Variants in TRPC4AP observed in about 807,000 individuals in gnomAD.
The protein encoded by TRPC4AP is short transient receptor potential channel 4-associated protein.
Under a neutral mutation model 99.0 loss-of-function variants are expected in TRPC4AP, and 45 were observed. The observed-to-expected ratio is 0.45, with a 90% confidence interval of 0.36 to 0.58. The LOEUF (loss-of-function observed/expected upper bound fraction) is 0.58, where lower values mean the gene tolerates loss of function less well. Ranked by LOEUF, TRPC4AP falls within the 20% of genes least tolerant of loss-of-function variation. TRPC4AP has a pLI of 0.00. For synonymous variants in TRPC4AP, 408 were observed against 385.8 expected, an observed-to-expected ratio of 1.06 and a Z score of -0.67; for missense variants, 879 against 985.3, an observed-to-expected ratio of 0.89 and a Z score of 1.44.
chr20:35,020,470 C>T (rs1025516962), intron 9 of TRPC4AP, among the ~76,000 whole-genome samples: 4 of 152,162 alleles, frequency 2.6e-5, no homozygotes, highest in Non-Finnish European at 5.9e-5. Flanking sequence ...ACCTGGTACA[C>T]TCTTTCATTC....
intron 2 of TRPC4AP, among the ~76,000 whole-genome samples, chr20:35,071,645 GT>G (rs1238050328): frequency 2.0e-5 from 3 of 152,130 alleles, no homozygotes; most frequent in Non-Finnish European, 4.4e-5. Flanking sequence ...GTACTCCATG[GT>G]GTATATGTGC....
At chr20:35,084,211 A>C (rs1338895838) in intron 1 of TRPC4AP, among the ~76,000 whole-genome samples, 3 of 151,576 alleles carry the variant, frequency 2.0e-5, no homozygotes, top group African/African-American at 7.3e-5. Flanking sequence ...CATAGGTTGC[A>C]GGGAGCCGAG....
chr20:35,027,447 T>TG (rs1176610908), intron 8 of TRPC4AP, among the ~76,000 whole-genome samples: 1 of 152,236 alleles, frequency 6.6e-6, no homozygotes. Flanking sequence ...TAGTATTTTG[T>TG]TGAAGATTTT....
chr20:35,086,174 G>A (rs1172784183), intron 1 of TRPC4AP, among the ~76,000 whole-genome samples: 1 of 151,850 alleles, frequency 6.6e-6, no homozygotes, highest in East Asian at 1.9e-4. Context: ...GCCCAGGTTG[G>A]TCTTGAACTC....
intron 8 of TRPC4AP, among the ~76,000 whole-genome samples, chr20:35,022,403 G>A (rs886103374): frequency 2.6e-5 from 4 of 152,186 alleles, no homozygotes; most frequent in Non-Finnish European, 4.4e-5. Context: ...TGATCTGCCC[G>A]CCTCAGCCTC....
intron 14 of TRPC4AP, 21 bp from the exon 15 acceptor site, chr20:35,006,596 T>G: frequency 6.2e-7 from 1 of 1,609,630 alleles, no homozygotes; most frequent in Non-Finnish European, 8.5e-7. Flanking sequence ...AGGGACAGGG[T>G]GAAGGTGTCA....
chr20:35,036,321 A>C (rs1255398690), intron 7 of TRPC4AP, among the ~76,000 whole-genome samples: 5 of 152,360 alleles, frequency 3.3e-5, no homozygotes, highest in Non-Finnish European at 7.3e-5. Context: ...CATAAGATGG[A>C]AACAGCCAAA....
intron 1 of TRPC4AP, among the ~76,000 whole-genome samples, chr20:35,081,991 A>C (rs2084659525): frequency 6.6e-6 from 1 of 152,134 alleles, no homozygotes. Flanking sequence ...TCTCAAAAAC[A>C]AAACAAAACA....
At chr20:35,047,040 T>C (rs184203161) in intron 6 of TRPC4AP, among the ~76,000 whole-genome samples, 2 of 152,222 alleles carry the variant, frequency 1.3e-5, no homozygotes, top group African/African-American at 2.4e-5. Flanking sequence ...GGCTAATTTT[T>C]ATATTTTTAG....
At chr20:35,019,976 T>C (rs955317557) in intron 9 of TRPC4AP, among the ~76,000 whole-genome samples, 28 of 152,176 alleles carry the variant, frequency 1.8e-4, no homozygotes, top group Non-Finnish European at 3.2e-4. Flanking sequence ...AGCCTGCTCC[T>C]CCACCCCTTA....
intron 8 of TRPC4AP, among the ~76,000 whole-genome samples, chr20:35,021,621 C>G (rs2082892932): frequency 6.6e-6 from 1 of 152,194 alleles, no homozygotes; most frequent in African/African-American, 2.4e-5. Context: ...AATACAGTAA[C>G]ATGACCCATC....
intron 1 of TRPC4AP, among the ~76,000 whole-genome samples, chr20:35,080,534 T>TTA (rs2084609266): frequency 1.2e-5 from 1 of 82,068 alleles, no homozygotes; most frequent in Admixed American, 1.4e-4. Context: ...AGACTCCATC[T>TTA]AAAAAAAAAA....
At chr20:35,086,477 ATG>A (rs1434250174) in intron 1 of TRPC4AP, among the ~76,000 whole-genome samples, 47 of 64,334 alleles carry the variant, frequency 7.3e-4, no homozygotes, top group African/African-American at 3.0e-3. Flanking sequence ...GTGTGTGTGT[ATG>A]TGTGTGTATA....
rs1452299120 is a variant in TRPC4AP, at chr20:35,016,077, C to G, written c.1281G>C (p.Leu427=). The change falls in exon 10 of 19, where the codon CTG becomes CTC. Residue 427 remains leucine, a synonymous_variant. Coordinates refer to ENST00000252015, the MANE Select transcript of TRPC4AP (RefSeq NM_015638.3). ...CAGATGCTGAATGCTTCCTCCAAAT[C>G]AGTTTGTCAAACAAATTATTAAGTC... ...IPGLNNLFDK[L]IWRKHSASAL... is the part of the protein sequence containing the mutation. 1.9e-6 allele frequency: 3 copies of G among 1,614,168 alleles called. No individual in the cohort carries two copies. In the East Asian group the frequency reaches 6.7e-5, roughly 36 times the overall value.
rs953868172 is a variant in TRPC4AP at position 35,055,120 on chromosome 20, AT to A, written c.473-90del. 1.9e-5 allele frequency: 22 copies of A among 1,129,184 alleles called. 1 individual carries two copies. In the African/African-American group the frequency reaches 2.2e-4, roughly 11 times the overall value. The allele number at this position is 1,129,184 out of a possible 1,614,324, so 69.9% of individuals were successfully genotyped here. Reference sequence around the variant, plus strand: ...CATTTTTTTCAGCATAAGAACTGTTATAATCCCCTCCAAGATGATTATTTTT... The same window carrying A: ...CATTTTTTTCAGCATAAGAACTGTTAAATCCCCTCCAAGATGATTATTTTT... On this transcript the variant is annotated intron_variant, in intron 4 of 18. Transcript: ENST00000252015.
rs776032740 is a variant in TRPC4AP at position 35,005,771 on chromosome 20, G to A, written c.1860C>T (p.Ser620=). ...GCACCAGCATGTTGGAGTCCACCAG[G>A]GAGCTGTTGATCTGCTTCAGGAATA... is the stretch of plus-strand genomic sequence containing the variant. ...FQVFLKQINS[S]LVDSNMLVRC... Residue 620 remains serine (S), a synonymous_variant, in exon 16 of 19, where the codon TCC becomes TCT. Transcript: ENST00000252015. The A allele has an allele frequency of 1.9e-6, 3 of 1,614,164 alleles. No individual in the cohort carries two copies. Among genetic ancestry groups the A allele is most frequent in the Non-Finnish European group, 2.5e-6 (3 of 1,179,996 alleles).
At chr20:35,040,469 T>C (rs2083422142) in intron 7 of TRPC4AP, among the ~76,000 whole-genome samples, 1 of 152,212 alleles carries the variant, frequency 6.6e-6, no homozygotes, top group Admixed American at 6.5e-5. Context: ...CTCTGAGACT[T>C]GCACCAGCAG....
intron 7 of TRPC4AP, among the ~76,000 whole-genome samples, chr20:35,040,604 TTTTA>T (rs1290522626): frequency 6.6e-6 from 1 of 152,170 alleles, no homozygotes; most frequent in Non-Finnish European, 1.5e-5. Context: ...TTATCTTTTA[TTTTA>T]TTTATTTATT....
chr20:35,069,430 A>C lies in TRPC4AP; in HGVS notation c.298-18T>G. 1 of 1,496,864 alleles carries C rather than the reference A, an allele frequency of 6.7e-7. No individual in the cohort carries two copies. Among genetic ancestry groups the C allele is most frequent in the Non-Finnish European group, 9.3e-7 (1 of 1,076,150 alleles). The allele number at this position is 1,496,864 out of a possible 1,614,324, so 92.7% of individuals were successfully genotyped here. A position where few individuals can be genotyped will look rare whatever the true frequency, so the allele number is the denominator to read the frequency against. On this transcript the variant is annotated intron_variant, in intron 2 of 18. Coordinates refer to ENST00000252015, the MANE Select transcript of TRPC4AP (RefSeq NM_015638.3). ...GAAATTTCCTAGTTTTTTTAAAAAA[A>C]AGTACATACATTGTTTTAGTAACCA... is the stretch of plus-strand genomic sequence containing the variant.
Sources: gnomAD v4.1 joint callset for allele counts (sites outside exome capture counted in the v4.1 genomes callset) on GRCh38, gnomAD v4.1.1 for gene constraint, MANE v1.5 for transcripts, NCBI Gene and HGNC (gene_info 2026-07-23, HGNC 2026-07-21) for gene names.